The following SCD5 variants were observed in gnomAD, a reference collection of about 807,000 sequenced individuals.
The protein encoded by SCD5 is stearoyl-CoA desaturase 5, also known as acyl-CoA-desaturase 4.
Under a neutral mutation model 30.4 loss-of-function variants are expected in SCD5, and 20 were observed. That is an observed-to-expected ratio of 0.66 (90% CI 0.46 to 0.96). The LOEUF is 0.96. SCD5 is among the 40% of genes least tolerant of loss of function. The pLI, the probability that SCD5 is intolerant of heterozygous loss-of-function variation, is 0.00. For missense variants in SCD5, 381 were observed against 443.3 expected, an observed-to-expected ratio of 0.86 and a Z score of 1.26; for synonymous variants, 173 against 176.4, an observed-to-expected ratio of 0.98 and a Z score of 0.16.
intron 1 of SCD5, among the ~76,000 whole-genome samples, chr4:82,722,662 A>AG (rs34090177): frequency 0.52 from 78,997 of 151,288 alleles, 21,707 homozygotes; most frequent in African/African-American, 0.69. Flanking sequence ...GCTACTGAGG[A>AG]GCTGAGGCAA....
intron 1 of SCD5, among the ~76,000 whole-genome samples, chr4:82,732,243 G>T: frequency 6.6e-6 from 1 of 152,120 alleles, no homozygotes. Context: ...TCAGACTACA[G>T]CTACTCGTCT....
intron 1 of SCD5, among the ~76,000 whole-genome samples, chr4:82,733,856 C>T (rs1400088134): frequency 1.3e-5 from 2 of 152,044 alleles, no homozygotes; most frequent in Non-Finnish European, 2.9e-5. Flanking sequence ...CAGAACTGCC[C>T]GATGTAAGCA....
At chr4:82,726,300 C>T (rs1331540682) in intron 1 of SCD5, among the ~76,000 whole-genome samples, 1 of 151,908 alleles carries the variant, frequency 6.6e-6, no homozygotes, top group East Asian at 1.9e-4. Flanking sequence ...GCCTGTAATC[C>T]CAGCTACTCG....
At chr4:82,679,209 AAAAAAGAAAG>A (rs1440306708) in intron 3 of SCD5, among the ~76,000 whole-genome samples, 640 of 39,070 alleles carry the variant, frequency 0.016, 17 homozygotes, top group Middle Eastern at 0.036. Flanking sequence ...CAAAAAAAAA[AAAAAAGAAAG>A]AAAAGAAAGA....
At chr4:82,772,018 C>T (rs936899666) in intron 1 of SCD5, among the ~76,000 whole-genome samples, 2 of 152,174 alleles carry the variant, frequency 1.3e-5, no homozygotes, top group Non-Finnish European at 2.9e-5. Flanking sequence ...AGGAAAGTTT[C>T]CTGGTCAGGT....
intron 1 of SCD5, among the ~76,000 whole-genome samples, chr4:82,770,891 A>G (rs775954184): frequency 2.0e-5 from 3 of 152,240 alleles, no homozygotes; most frequent in Non-Finnish European, 4.4e-5. Flanking sequence ...TAATCTACAC[A>G]ACGGCCCAGA....
In SCD5 at chr4:82,700,787, TAAAAAAAAAAAAAAAAAAAAAAAA is replaced by T. The variant is rs70938305; in HGVS notation, c.363+4472_363+4495del. 3.4e-4 allele frequency among the ~76,000 whole-genome samples: 22 copies of T among 63,802 alleles called. No individual in the cohort carries two copies. In the South Asian group the frequency reaches 0.014, roughly 40 times the overall value. 41.9% of individuals were successfully genotyped at this position (63,802 alleles called of 152,430 possible). ...GGGTGACGGAGTGAGACCCTGTCTCTAAAAAAAAAAAAAAAAAAAAAAAAAAAAAAAAAAAAAAGACATTCTCAG... is the reference window on the plus strand; with the variant it reads ...GGGTGACGGAGTGAGACCCTGTCTCTAAAAAAAAAAAAAAGACATTCTCAG... On this transcript the variant is annotated intron_variant, in intron 2 of 4. Coordinates refer to ENST00000319540, the MANE Select transcript of SCD5 (RefSeq NM_001037582.3).
chr4:82,631,890 A>G (rs1172429218), intron 4 of SCD5, among the ~76,000 whole-genome samples: 2 of 152,172 alleles, frequency 1.3e-5, no homozygotes, highest in African/African-American at 2.4e-5. Flanking sequence ...CTTTTTTGGA[A>G]GAGCTCAAGA....
At chr4:82,767,193 C>G (rs899548180) in intron 1 of SCD5, among the ~76,000 whole-genome samples, 2 of 152,094 alleles carry the variant, frequency 1.3e-5, no homozygotes, top group Non-Finnish European at 2.9e-5. Context: ...AGCTAAAATA[C>G]TTGAAGGAGA....
intron 1 of SCD5, among the ~76,000 whole-genome samples, chr4:82,796,214 G>C (rs998928278): frequency 1.3e-5 from 2 of 151,234 alleles, no homozygotes; most frequent in African/African-American, 2.4e-5. Flanking sequence ...AGCTTGCGGT[G>C]AGCCGAGATC....
intron 1 of SCD5, among the ~76,000 whole-genome samples, chr4:82,719,508 C>CTTT (rs10635133): frequency 0.031 from 4,435 of 142,198 alleles, 253 homozygotes; most frequent in African/African-American, 0.097. Context: ...ATATGATTTT[C>CTTT]TTTTTTTTTT....
rs1350504143 is a variant in SCD5 at position 82,636,594 on chromosome 4, T to C, written c.799A>G (p.Ile267Val). Residue 267 changes from isoleucine to valine, a missense_variant, in exon 4 of 5, where the codon ATT becomes GTT. Ile to Val is a conservative substitution (Grantham distance 29). Transcript: ENST00000319540. ...GGCCCTCAACACCCCTACTCACCAA[T>C]GGCACCCAGAGCGACGAGTGGGTTC... ...RQNPLVALGA[I>V]GEGFHNYHHT... is the part of the protein sequence containing the mutation. 1 of 1,613,092 alleles carries C rather than the reference T, an allele frequency of 6.2e-7. No individual in the cohort carries two copies. Among genetic ancestry groups the C allele is most frequent in the African/African-American group, 1.3e-5 (1 of 75,032 alleles).
intron 2 of SCD5, among the ~76,000 whole-genome samples, chr4:82,700,632 C>A (rs2148826343): frequency 6.6e-6 from 1 of 151,766 alleles, no homozygotes; most frequent in South Asian, 2.1e-4. Context: ...GAAATAAGGA[C>A]TTTCTCAAGC....
Position 82,630,872 on chromosome 4 carries a change from G to A in SCD5, c.*455C>T, listed in dbSNP as rs2148810325. Reference sequence around the variant, plus strand: ...GCCTGTAATCCCAGCTCTTTGGGAGGCCGAGGCGGGTGGATTGCCTGAGGT... The same window carrying A: ...GCCTGTAATCCCAGCTCTTTGGGAGACCGAGGCGGGTGGATTGCCTGAGGT... On this transcript the variant is annotated 3_prime_UTR_variant, in exon 5 of 5. Transcript: ENST00000319540. 1 of 152,684 alleles carries A rather than the reference G, an allele frequency of 6.5e-6. No individual in the cohort carries two copies. Among genetic ancestry groups the A allele is most frequent in the South Asian group, 2.1e-4 (1 of 4,852 alleles). 9.5% of individuals were successfully genotyped at this position (152,684 alleles called of 1,614,324 possible).
intron 1 of SCD5, among the ~76,000 whole-genome samples, chr4:82,757,971 G>T (rs1721267451): frequency 6.6e-6 from 1 of 152,224 alleles, no homozygotes; most frequent in African/African-American, 2.4e-5. Flanking sequence ...TGGCTGCTCT[G>T]GAGAAGTCAA....
Position 82,732,118 on chromosome 4 carries a change from T to G in SCD5, c.233-26705A>C, listed in dbSNP as rs145675296. Among the ~76,000 whole-genome samples, 939 of 152,268 alleles carry G rather than the reference T, an allele frequency of 6.2e-3. 10 individuals carry two copies. Among genetic ancestry groups the G allele is most frequent in the African/African-American group, 0.021 (888 of 41,548 alleles). Reference sequence around the variant, plus strand: ...TTCTATTACATTTTTTTTTCTTTTTTGAGACGGAGTCTTGCTCTGTCACCC... The same window carrying G: ...TTCTATTACATTTTTTTTTCTTTTTGGAGACGGAGTCTTGCTCTGTCACCC... On this transcript the variant is annotated intron_variant, in intron 1 of 4. Coordinates refer to ENST00000319540, the MANE Select transcript of SCD5 (RefSeq NM_001037582.3).
Position 82,742,506 on chromosome 4 carries a change from G to A in SCD5, c.233-37093C>T, listed in dbSNP as rs369633876. Among the ~76,000 whole-genome samples, 4 of 152,182 alleles carry A rather than the reference G, an allele frequency of 2.6e-5. No individual in the cohort carries two copies. In the South Asian group the frequency reaches 6.2e-4, roughly 24 times the overall value. ...CCTGAAATAAAGATGCACCTTTCTG[G>A]CCGGGCATGGTGCCTCACACCTGTA... On this transcript the variant is annotated intron_variant, in intron 1 of 4. Transcript: ENST00000319540.
At chr4:82,723,738 A>G (rs1412883134) in intron 1 of SCD5, among the ~76,000 whole-genome samples, 1 of 152,248 alleles carries the variant, frequency 6.6e-6, no homozygotes, top group Admixed American at 6.5e-5. Flanking sequence ...TACAGAAAAC[A>G]GAGGGAAGGT....
chr4:82,711,678 C>T (rs1397155956), intron 1 of SCD5, among the ~76,000 whole-genome samples: 1 of 150,512 alleles, frequency 6.6e-6, no homozygotes, highest in Non-Finnish European at 1.5e-5. Context: ...TGTTCTCCAG[C>T]CTGGGTGATA....
Sources: gnomAD v4.1 joint callset for allele counts (sites outside exome capture counted in the v4.1 genomes callset) on GRCh38, gnomAD v4.1.1 for gene constraint, MANE v1.5 for transcripts, NCBI Gene and HGNC (gene_info 2026-07-23, HGNC 2026-07-21) for gene names.